Variants in DOK7 observed in about 807,000 individuals in gnomAD.
DOK7 encodes the protein docking protein 7.
DOK7 carries 32 observed loss-of-function variants against 30.7 expected under a neutral mutation model. That is an observed-to-expected ratio of 1.04 (90% CI 0.79 to 1.40). The LOEUF is 1.40. Among genes scored for constraint, DOK7 ranks in the 40% most tolerant of loss-of-function variants. The probability of loss-of-function intolerance (pLI) is 0.00; values close to 1 mark genes in which losing one functional copy is unlikely to be tolerated. For missense variants in DOK7, 1,007 were observed against 699.2 expected (o/e 1.44, Z -4.97); for synonymous variants, 447 against 324.1 (o/e 1.38, Z -4.07).
At chr4:3,491,794 T>C (rs1728480627) in intron 6 of DOK7, among the ~76,000 whole-genome samples, 1 of 152,356 alleles carries the variant, frequency 6.6e-6, no homozygotes, top group Middle Eastern at 3.4e-3. Flanking sequence ...GCTCTGGCTC[T>C]GTTGCCATTG....
At chr4:3,500,154 A>AG (rs1453093504) in intron 6 of DOK7, 1 of 1,400,958 alleles carries the variant, frequency 7.1e-7, no homozygotes, top group Non-Finnish European at 9.6e-7. Context: ...AGTGGGGAGG[A>AG]GGGGCTAGGC....
exon 8 of DOK7, chr4:3,501,166 G>T (rs1187244062): frequency 2.8e-6 from 1 of 356,740 alleles, no homozygotes; most frequent in Non-Finnish European, 5.1e-6. Context: ...AGCATGGTTT[G>T]TGGTGCCTGG....
At chr4:3,464,361 A>C (rs1726153521) in intron 2 of DOK7, among the ~76,000 whole-genome samples, 1 of 152,126 alleles carries the variant, frequency 6.6e-6, no homozygotes, top group African/African-American at 2.4e-5. Flanking sequence ...GCAGGGCCTC[A>C]GGTGGTCCTG....
intron 5 of DOK7, among the ~76,000 whole-genome samples, chr4:3,489,017 C>A (rs572755541): frequency 6.6e-6 from 1 of 152,332 alleles, no homozygotes; most frequent in East Asian, 1.9e-4. Flanking sequence ...AGAGGTCCCA[C>A]CCTGCCTGGG....
chr4:3,473,459 CG>C lies in DOK7; in HGVS notation c.157del (p.Glu53SerfsTer5), dbSNP rs778686818. 6.2e-7 allele frequency: 1 copy of C among 1,611,038 alleles called. No homozygotes were observed. The highest frequency in any genetic ancestry group is 8.5e-7 in the Non-Finnish European group (1 of 1,179,738). On this transcript the variant is annotated frameshift_variant, in exon 3 of 7. Transcript: ENST00000340083. LOFTEE classifies it high-confidence loss of function. ...KDKSERIKGL[R>X]ERSSLTLEDI... ...CAAGTCGGAGCGTATCAAGGGCCTG[CG>C]GGAGCGCAGCAGCCTGACGCTAGAG...
intron 4 of DOK7, chr4:3,484,800 A>C: frequency 9.1e-6 from 9 of 985,460 alleles, no homozygotes; most frequent in Non-Finnish European, 1.1e-5. Context: ...GGTGGGGAGG[A>C]CGCGGTGCTG....
chr4:3,493,656 G>A lies in DOK7; in HGVS notation c.*155G>A, dbSNP rs186419797. ...GGGGAGCTGGAGGGCGCGCCCTGTG[G>A]CTGCCACCGGAGGAAGGGGCTGACT... On this transcript the variant is annotated 3_prime_UTR_variant, in exon 7 of 7. Transcript: ENST00000340083. 4,259 of 1,457,280 alleles carry A rather than the reference G, an allele frequency of 2.9e-3. 9 individuals carry two copies. Among genetic ancestry groups the A allele is most frequent in the South Asian group, 3.3e-3 (223 of 68,570 alleles). 90.3% of individuals were successfully genotyped at this position (1,457,280 alleles called of 1,614,324 possible).
intron 3 of DOK7, among the ~76,000 whole-genome samples, chr4:3,474,397 AGGCTGGGCAC>A (rs1726943273): frequency 6.6e-6 from 1 of 152,194 alleles, no homozygotes; most frequent in Admixed American, 6.5e-5. Context: ...TTGCTATTTT[AGGCTGGGCAC>A]GGTGGCTCAT....
intron 2 of DOK7, among the ~76,000 whole-genome samples, chr4:3,470,643 C>T (rs1726704261): frequency 6.6e-6 from 1 of 152,180 alleles, no homozygotes; most frequent in Non-Finnish European, 1.5e-5. Context: ...GGAGTCGGCT[C>T]ACTGTGGTCT....
chr4:3,495,389 A>G (rs534188951), downstream of DOK7, among the ~76,000 whole-genome samples: 26 of 152,344 alleles, frequency 1.7e-4, no homozygotes, highest in African/African-American at 6.0e-4. Flanking sequence ...TAGTGGGGGC[A>G]AGGTCCCTCT....
At chr4:3,466,597 A>AAACATCAAG (rs1409169550) in intron 2 of DOK7, among the ~76,000 whole-genome samples, 1 of 152,114 alleles carries the variant, frequency 6.6e-6, no homozygotes, top group East Asian at 1.9e-4. Flanking sequence ...CTCCCCATAG[A>AAACATCAAG]AACATCAAGA....
At chr4:3,497,192 C>A (rs1728955711), downstream of DOK7, among the ~76,000 whole-genome samples, 1 of 151,860 alleles carries the variant, frequency 6.6e-6, no homozygotes, top group Non-Finnish European at 1.5e-5. Context: ...GACTGGGGTC[C>A]ACGGGTCCCC....
intron 2 of DOK7, among the ~76,000 whole-genome samples, chr4:3,465,017 G>T (rs182367227): frequency 1.3e-5 from 2 of 152,314 alleles, no homozygotes; most frequent in African/African-American, 4.8e-5. Flanking sequence ...ATGTGGGGTA[G>T]TAGAAGGTGC....
intron 4 of DOK7, 28 bp from the exon 5 acceptor site, chr4:3,485,511 C>T (rs990704822): frequency 1.3e-6 from 2 of 1,560,522 alleles, no homozygotes; most frequent in Non-Finnish European, 1.7e-6. Flanking sequence ...TCGGGCCAGA[C>T]TGACCTGTCT....
chr4:3,467,187 A>AC (rs397740016), intron 2 of DOK7, among the ~76,000 whole-genome samples: 18,357 of 143,104 alleles, frequency 0.13, 1,494 homozygotes, highest in South Asian at 0.3. Flanking sequence ...GTGGGCGGGG[A>AC]CCCCCCCCAC....
chr4:3,479,926 G>A (rs57487855), intron 4 of DOK7, among the ~76,000 whole-genome samples: 39,079 of 152,100 alleles, frequency 0.26, 5,229 homozygotes, highest in South Asian at 0.39. Flanking sequence ...CACATGGCAG[G>A]CGACGGTCTG....
Position 3,493,039 on chromosome 4 carries a change from C to T in DOK7, c.1053C>T (p.Ser351=). 3.8e-6 allele frequency: 6 copies of T among 1,572,452 alleles called. No individual in the cohort carries two copies. The highest frequency in any genetic ancestry group is 1.1e-5 in the South Asian group (1 of 87,094). ...GCAGCCACTCCTCTTACTCCAGCAG[C>T]CTCTCGTCCTACGCGGGCAGCAGCC... is the stretch of plus-strand genomic sequence containing the variant. ...ATGSHSSYSS[S]LSSYAGSSLD... The change falls in exon 7 of 7, where the codon AGC becomes AGT. Residue 351 remains serine, a synonymous_variant. Coordinates refer to ENST00000340083, the MANE Select transcript of DOK7 (RefSeq NM_173660.5).
At chr4:3,491,281 TC>T (rs1439513339) in intron 6 of DOK7, among the ~76,000 whole-genome samples, 294 of 133,634 alleles carry the variant, frequency 2.2e-3, no homozygotes, top group African/African-American at 8.4e-3. Flanking sequence ...ATTCATTCCT[TC>T]CTCCGCCCCC....
chr4:3,476,036 C>T (rs1003146588), intron 3 of DOK7, among the ~76,000 whole-genome samples: 1 of 152,064 alleles, frequency 6.6e-6, no homozygotes, highest in African/African-American at 2.4e-5. Flanking sequence ...GGCGGCTGCC[C>T]CCACCTGCCC....
Sources: gnomAD v4.1 joint callset for allele counts (sites outside exome capture counted in the v4.1 genomes callset) on GRCh38, gnomAD v4.1.1 for gene constraint, MANE v1.5 for transcripts, NCBI Gene and HGNC (gene_info 2026-07-23, HGNC 2026-07-21) for gene names.